RTN4RL1: variants seen among roughly 807,000 people sequenced by gnomAD.
RTN4RL1 encodes reticulon 4 receptor like 1, also known as reticulon-4 receptor-like 1.
A neutral mutation model predicts 25.6 loss-of-function variants in RTN4RL1; 7 were observed. The ratio of observed to expected loss-of-function variants is 0.27; its 90% confidence interval spans 0.16 to 0.51. The LOEUF is 0.51. Among genes scored for constraint, RTN4RL1 ranks in the 20% least tolerant of loss-of-function variants. The pLI is 0.97. For missense variants in RTN4RL1, 500 were observed against 615.6 expected, an observed-to-expected ratio of 0.81 and a Z score of 1.99; for synonymous variants, 297 against 288.2, an observed-to-expected ratio of 1.03 and a Z score of -0.31.
Position 1,994,382 on chromosome 17 carries a change from C to G in RTN4RL1, c.13+30471G>C, listed in dbSNP as rs187954682. Among the ~76,000 whole-genome samples the G allele has an allele frequency of 1.3e-5, 2 of 152,246 alleles. No homozygotes were observed. The highest frequency in any genetic ancestry group is 1.3e-4 in the Admixed American group (2 of 15,290). Reference sequence around the variant, plus strand: ...CCGTGTTACAGAGGACCTACCAGCTCTCCCAGCCAGGGACACACTTGGTCC... The same window carrying G: ...CCGTGTTACAGAGGACCTACCAGCTGTCCCAGCCAGGGACACACTTGGTCC... On this transcript the variant is annotated intron_variant, in intron 1 of 1. Coordinates refer to ENST00000331238, the MANE Select transcript of RTN4RL1 (RefSeq NM_178568.4). This position sits in a 1 kb window ranked among gnomAD's most constrained non-coding sequence, Gnocchi z 4.3.
intron 1 of RTN4RL1, among the ~76,000 whole-genome samples, chr17:2,007,064 G>A (rs975742376): frequency 2.0e-5 from 3 of 152,088 alleles, no homozygotes; most frequent in Non-Finnish European, 2.9e-5. Context: ...GTATGATGCT[G>A]GGCAAGCTGC....
intron 1 of RTN4RL1, among the ~76,000 whole-genome samples, chr17:2,021,340 A>G (rs960292288): frequency 1.3e-5 from 2 of 151,938 alleles, no homozygotes; most frequent in Admixed American, 6.6e-5. Flanking sequence ...CATTATCAAG[A>G]CCATGAGCCC....
chr17:2,002,251 CCTTT>C (rs974980703), intron 1 of RTN4RL1, among the ~76,000 whole-genome samples: 7 of 147,668 alleles, frequency 4.7e-5, no homozygotes, highest in South Asian at 4.2e-4. Flanking sequence ...CTCCCTCCCT[CCTTT>C]CTTTTTTCTT....
chr17:1,935,393 G>A lies in RTN4RL1; in HGVS notation c.*1103C>T, dbSNP rs1319473632. ...CAGGGGTGACAGGGCGCTCCAGGGT[G>A]GCAGACAGGCTTGTGTTGCATATAA... On this transcript the variant is annotated 3_prime_UTR_variant, in exon 2 of 2. Coordinates refer to ENST00000331238, the MANE Select transcript of RTN4RL1 (RefSeq NM_178568.4). 2 of 232,364 alleles carry A rather than the reference G, an allele frequency of 8.6e-6. No individual in the cohort carries two copies. Among genetic ancestry groups the A allele is most frequent in the Non-Finnish European group, 1.4e-5 (2 of 141,108 alleles). The allele number at this position is 232,364 out of a possible 1,614,324, so 14.4% of individuals were successfully genotyped here. A position where few individuals can be genotyped will look rare whatever the true frequency, so the allele number is the denominator to read the frequency against.
chr17:2,016,416 A>G (rs1326963424), intron 1 of RTN4RL1, among the ~76,000 whole-genome samples: 1 of 152,168 alleles, frequency 6.6e-6, no homozygotes, highest in Non-Finnish European at 1.5e-5. Flanking sequence ...AAACTTTGAA[A>G]GACCATTGAT....
chr17:2,009,735 C>T (rs2067030090), intron 1 of RTN4RL1, among the ~76,000 whole-genome samples: 1 of 128,054 alleles, frequency 7.8e-6, no homozygotes, highest in Admixed American at 8.2e-5. Context: ...CACTTCTCCT[C>T]CTGCCCGCTG....
chr17:1,974,285 AG>A (rs2066833200), intron 1 of RTN4RL1, among the ~76,000 whole-genome samples: 1 of 152,048 alleles, frequency 6.6e-6, no homozygotes, highest in South Asian at 2.1e-4. Context: ...CTGTAGACCC[AG>A]CTGCAGAGAT....
At chr17:1,949,667 C>T (rs886563969) in intron 1 of RTN4RL1, among the ~76,000 whole-genome samples, 4 of 152,186 alleles carry the variant, frequency 2.6e-5, no homozygotes, top group African/African-American at 4.8e-5. Flanking sequence ...GACTGAGCTC[C>T]GGGTTTGCTT....
chr17:1,939,149 G>T (rs373967427), intron 1 of RTN4RL1, among the ~76,000 whole-genome samples: 2 of 151,966 alleles, frequency 1.3e-5, no homozygotes, highest in Admixed American at 6.6e-5. Context: ...TCAGGAGATC[G>T]AGACCATCCT....
At chr17:2,000,024 G>A (rs1431249196) in intron 1 of RTN4RL1, among the ~76,000 whole-genome samples, 3 of 152,260 alleles carry the variant, frequency 2.0e-5, no homozygotes, top group Non-Finnish European at 4.4e-5. Flanking sequence ...GGCACAGGCC[G>A]GCCATCTGCA....
In RTN4RL1 at chr17:1,988,576, C is replaced by G. The variant is rs1425461529; in HGVS notation, c.13+36277G>C. Among the ~76,000 whole-genome samples the G allele has an allele frequency of 3.9e-5, 6 of 152,018 alleles. No homozygotes were observed. In the East Asian group the frequency reaches 5.8e-4, roughly 15 times the overall value. ...TCCTCAATGATGGAACATCCCTCCCCTCTCCAGAGGTGTCTCTCTCCACCG... is the reference window on the plus strand; with the variant it reads ...TCCTCAATGATGGAACATCCCTCCCGTCTCCAGAGGTGTCTCTCTCCACCG... On this transcript the variant is annotated intron_variant, in intron 1 of 1. Coordinates refer to ENST00000331238, the MANE Select transcript of RTN4RL1 (RefSeq NM_178568.4).
Position 1,935,889 on chromosome 17 carries a change from C to T in RTN4RL1, c.*607G>A, listed in dbSNP as rs1387336565. ...CCTTTGGTAATTGGTTCTTGGACCC[C>T]AGCAGTTGGACCTGGGTCTGCCAGG... On this transcript the variant is annotated 3_prime_UTR_variant, in exon 2 of 2. Transcript: ENST00000331238. 6.1e-6 allele frequency: 6 copies of T among 985,392 alleles called. No individual in the cohort carries two copies. Among genetic ancestry groups the T allele is most frequent in the Middle Eastern group, 1.0e-3 (2 of 1,936 alleles). The allele number at this position is 985,392 out of a possible 1,614,324, so 61.0% of individuals were successfully genotyped here. A position where few individuals can be genotyped will look rare whatever the true frequency, so the allele number is the denominator to read the frequency against.
chr17:2,002,421 T>C (rs1291969044), intron 1 of RTN4RL1, among the ~76,000 whole-genome samples: 3 of 150,580 alleles, frequency 2.0e-5, no homozygotes, highest in African/African-American at 7.4e-5. Flanking sequence ...GCCTCCCGAG[T>C]AGCTGGGACT....
chr17:2,000,119 T>A (rs918085043), intron 1 of RTN4RL1, among the ~76,000 whole-genome samples: 1 of 152,262 alleles, frequency 6.6e-6, no homozygotes, highest in Non-Finnish European at 1.5e-5. Context: ...CTGCAAAGGC[T>A]GACAGCTGTG....
chr17:1,952,849 G>A (rs1214908308), intron 1 of RTN4RL1, among the ~76,000 whole-genome samples: 7 of 151,378 alleles, frequency 4.6e-5, no homozygotes, highest in Admixed American at 1.3e-4. Context: ...GGCTGAGGGG[G>A]GTTGATCACC....
intron 1 of RTN4RL1, among the ~76,000 whole-genome samples, chr17:1,991,890 G>C (rs531027448): frequency 1.2e-4 from 18 of 152,142 alleles, no homozygotes; most frequent in African/African-American, 4.3e-4. Context: ...CCTGGAAGTG[G>C]AATTGCTCTA....
At chr17:1,978,301 C>A (rs369571538) in intron 1 of RTN4RL1, among the ~76,000 whole-genome samples, 1 of 152,258 alleles carries the variant, frequency 6.6e-6, no homozygotes, top group African/African-American at 2.4e-5. Context: ...GGGATCCAAA[C>A]CCAGCACTTC....
At chr17:1,996,180 C>T (rs978867681) in intron 1 of RTN4RL1, among the ~76,000 whole-genome samples, 3 of 152,180 alleles carry the variant, frequency 2.0e-5, no homozygotes, top group Non-Finnish European at 2.9e-5. Flanking sequence ...TTTCCTTACT[C>T]GGCTTTCTCC....
intron 1 of RTN4RL1, among the ~76,000 whole-genome samples, chr17:1,988,023 T>C (rs1419676696): frequency 6.6e-6 from 1 of 151,740 alleles, no homozygotes; most frequent in African/African-American, 2.4e-5. Flanking sequence ...GGAGAATCAC[T>C]TGAACCCAGG....
Sources: allele counts gnomAD v4.1 joint callset (sites outside exome capture counted in the v4.1 genomes callset), GRCh38; gene constraint gnomAD v4.1.1; non-coding constraint Gnocchi (gnomAD v3.1); transcripts MANE v1.5; gene names NCBI Gene and HGNC (gene_info 2026-07-23, HGNC 2026-07-21).